Variants in GARIN2 observed in about 807,000 individuals in gnomAD.
GARIN2 encodes the protein Golgi-associated RAB2 interactor protein 2.
the GARIN2 span, among the ~76,000 whole-genome samples, chr14:67,191,893 T>C: frequency 1.3e-5 from 2 of 152,272 alleles, no homozygotes; most frequent in Non-Finnish European, 2.9e-5. Flanking sequence ...ATGAAAACTA[T>C]ACTGTAATTC....
the GARIN2 span, among the ~76,000 whole-genome samples, chr14:67,213,414 G>A: frequency 7.7e-5 from 11 of 143,622 alleles, no homozygotes; most frequent in Non-Finnish European, 1.1e-4. Context: ...AATATGCGGT[G>A]TTTGGTTTTT....
the GARIN2 span, among the ~76,000 whole-genome samples, chr14:67,223,246 T>A: frequency 1.3e-5 from 2 of 152,014 alleles, no homozygotes; most frequent in African/African-American, 2.4e-5. Flanking sequence ...GTGATCCCCC[T>A]GCCTTGGCCT....
At chr14:67,204,438 T>A in the GARIN2 span, 1 of 1,393,074 alleles carries the variant, frequency 7.2e-7, no homozygotes, top group Non-Finnish European at 9.4e-7. Flanking sequence ...TGAGAACTTG[T>A]CTCAAAACAA....
the GARIN2 span, among the ~76,000 whole-genome samples, chr14:67,193,612 G>GAT: frequency 6.9e-6 from 1 of 144,016 alleles, no homozygotes; most frequent in Non-Finnish European, 1.5e-5. Flanking sequence ...TAGATATATA[G>GAT]ATAGAAATAT....
the GARIN2 span, among the ~76,000 whole-genome samples, chr14:67,214,151 C>T: frequency 6.6e-6 from 1 of 152,166 alleles, no homozygotes; most frequent in African/African-American, 2.4e-5. Context: ...TTTTGCTGTG[C>T]AGAAGCTCTT....
chr14:67,207,113 A>T, the GARIN2 span, among the ~76,000 whole-genome samples: 1 of 152,180 alleles, frequency 6.6e-6, no homozygotes, highest in Non-Finnish European at 1.5e-5. Flanking sequence ...TTATTACATC[A>T]TTTTTAAGGA....
At chr14:67,228,107 T>C in the GARIN2 span, among the ~76,000 whole-genome samples, 2 of 151,610 alleles carry the variant, frequency 1.3e-5, no homozygotes, top group Admixed American at 1.3e-4. Context: ...GAGGCAGGGG[T>C]TGCAGTGAGC....
the GARIN2 span, among the ~76,000 whole-genome samples, chr14:67,226,358 G>GT: frequency 6.4e-3 from 932 of 145,280 alleles, 16 homozygotes; most frequent in African/African-American, 0.023. Flanking sequence ...CAACCAGCTA[G>GT]TTTTTTTTGT....
the GARIN2 span, among the ~76,000 whole-genome samples, chr14:67,193,943 T>A: frequency 1.2e-4 from 7 of 57,008 alleles, no homozygotes; most frequent in African/African-American, 5.4e-4. Context: ...AGACCCTGTC[T>A]CAAAAAAAAA....
chr14:67,224,887 G>A, the GARIN2 span: 1 of 383,298 alleles, frequency 2.6e-6, no homozygotes, highest in Non-Finnish European at 4.6e-6. Flanking sequence ...AAAAAGGAGG[G>A]AGCCCTCTAA....
chr14:67,199,005 AG>A, the GARIN2 span: 2 of 707,320 alleles, frequency 2.8e-6, no homozygotes, highest in South Asian at 3.0e-5. Context: ...AGGGGTGACA[AG>A]GGAGGACAAC....
the GARIN2 span, among the ~76,000 whole-genome samples, chr14:67,190,554 T>G: frequency 6.6e-6 from 1 of 152,214 alleles, no homozygotes; most frequent in African/African-American, 2.4e-5. Context: ...CAGACTGTTA[T>G]CCCAATTTTT....
chr14:67,209,546 G>A, the GARIN2 span, among the ~76,000 whole-genome samples: 1 of 152,132 alleles, frequency 6.6e-6, no homozygotes, highest in Non-Finnish European at 1.5e-5. Context: ...TAGGCCGGGT[G>A]TGGTGGCTCA....
the GARIN2 span, among the ~76,000 whole-genome samples, chr14:67,212,598 A>AAAAT: frequency 7.4e-6 from 1 of 135,910 alleles, no homozygotes; most frequent in Non-Finnish European, 1.6e-5. Flanking sequence ...TGAAAAAAAA[A>AAAAT]ATATATATAT....
chr14:67,191,667 C>A, the GARIN2 span, among the ~76,000 whole-genome samples: 2 of 152,178 alleles, frequency 1.3e-5, no homozygotes, highest in South Asian at 2.1e-4. Context: ...CCTAATGGAG[C>A]CTTGATCATC....
At chr14:67,222,602 A>C in the GARIN2 span, among the ~76,000 whole-genome samples, 1 of 152,130 alleles carries the variant, frequency 6.6e-6, no homozygotes, top group East Asian at 1.9e-4. Flanking sequence ...TTTATTTGGC[A>C]GTGGGGAGTG....
chr14:67,200,456 T>C, the GARIN2 span: 1 of 426,732 alleles, frequency 2.3e-6, no homozygotes, highest in Admixed American at 4.6e-5. Context: ...CATTCCCCTT[T>C]TTAATGTAAC....
chr14:67,221,121 C>T, the GARIN2 span, among the ~76,000 whole-genome samples: 1 of 152,136 alleles, frequency 6.6e-6, no homozygotes, highest in African/African-American at 2.4e-5. Flanking sequence ...TTTTAAAAAT[C>T]AGGAGCACAG....
chr14:67,195,231 A>G, the GARIN2 span, among the ~76,000 whole-genome samples: 2 of 152,144 alleles, frequency 1.3e-5, no homozygotes, highest in East Asian at 3.8e-4. Flanking sequence ...GCTAACCTCA[A>G]CTTTGTTCAA....
Sources: gnomAD v4.1 joint callset for allele counts (sites outside exome capture counted in the v4.1 genomes callset) on GRCh38, gnomAD v4.1.1 for gene constraint, MANE v1.5 for transcripts, NCBI Gene and HGNC (gene_info 2026-07-23, HGNC 2026-07-21) for gene names.